Variants in CMPK1 observed in about 807,000 individuals in gnomAD.
CMPK1 encodes UMP-CMP kinase.
Under a neutral mutation model 25.7 loss-of-function variants are expected in CMPK1, and 10 were observed. That is an observed-to-expected ratio of 0.39 (90% CI 0.24 to 0.66). The LOEUF (loss-of-function observed/expected upper bound fraction) is 0.66, where lower values mean the gene tolerates loss of function less well. Ranked by LOEUF, CMPK1 falls within the 30% of genes least tolerant of loss-of-function variation. CMPK1 has a pLI of 0.48. For synonymous variants in CMPK1, 106 were observed against 101.5 expected (o/e 1.04, Z -0.27); for missense variants, 199 against 280.5 (o/e 0.71, Z 2.08).
At chr1:47,376,027 A>T (rs954213239) in intron 5 of CMPK1, among the ~76,000 whole-genome samples, 1 of 152,146 alleles carries the variant, frequency 6.6e-6, no homozygotes, top group Non-Finnish European at 1.5e-5. Flanking sequence ...AACTAAGAAG[A>T]TAAGCCACTT....
At chr1:47,347,442 C>G (rs1646493386) in intron 1 of CMPK1, among the ~76,000 whole-genome samples, 1 of 152,166 alleles carries the variant, frequency 6.6e-6, no homozygotes, top group African/African-American at 2.4e-5. Context: ...CTCCTGGCCT[C>G]AAGCCATCCT....
intron 1 of CMPK1, among the ~76,000 whole-genome samples, chr1:47,345,178 A>G (rs779943973): frequency 2.7e-4 from 41 of 152,134 alleles, no homozygotes; most frequent in Non-Finnish European, 2.5e-4. Flanking sequence ...TCAGCCTCCC[A>G]AAGTGCTGGG....
chr1:47,373,246 C>T, intron 3 of CMPK1, 139 bp downstream of exon 3: 1 of 667,890 alleles, frequency 1.5e-6, no homozygotes, highest in Non-Finnish European at 2.3e-6. Context: ...GACGGAACAG[C>T]ACTGTCTTGC....
intron 5 of CMPK1, 72 bp downstream of exon 5, chr1:47,375,365 G>T (rs1208201780): frequency 9.3e-7 from 1 of 1,069,990 alleles, no homozygotes; most frequent in Non-Finnish European, 1.4e-6. Flanking sequence ...GGGGTAAGCA[G>T]GAAAAAAAGA....
At chr1:47,357,355 A>G (rs1201340423) in intron 1 of CMPK1, among the ~76,000 whole-genome samples, 2 of 152,072 alleles carry the variant, frequency 1.3e-5, no homozygotes, top group African/African-American at 2.4e-5. Context: ...TTAGTTTTAC[A>G]TTTATTCCTA....
intron 1 of CMPK1, among the ~76,000 whole-genome samples, chr1:47,364,952 A>G (rs79169947): frequency 0.025 from 3,824 of 152,014 alleles, 184 homozygotes; most frequent in African/African-American, 0.088. Flanking sequence ...TTGTAGAAAC[A>G]TGTTCACTGT....
chr1:47,359,742 C>T (rs571033647), intron 1 of CMPK1, among the ~76,000 whole-genome samples: 2 of 151,966 alleles, frequency 1.3e-5, no homozygotes, highest in African/African-American at 4.8e-5. Context: ...GAACTCCTGA[C>T]CTCAAGTGTT....
chr1:47,357,038 A>C (rs557394851), intron 1 of CMPK1, among the ~76,000 whole-genome samples: 11 of 144,360 alleles, frequency 7.6e-5, no homozygotes, highest in Non-Finnish European at 1.6e-4. Flanking sequence ...ATCTCGGCTC[A>C]CTATAAGCTC....
chr1:47,339,784 C>T (rs1441484300), intron 1 of CMPK1, among the ~76,000 whole-genome samples: 5 of 150,336 alleles, frequency 3.3e-5, no homozygotes, highest in Non-Finnish European at 5.9e-5. Flanking sequence ...CTCGGCTCAC[C>T]GCAGCCTCCG....
intron 1 of CMPK1, among the ~76,000 whole-genome samples, chr1:47,359,386 CTTT>C (rs71053107): frequency 4.9e-5 from 5 of 102,734 alleles, no homozygotes; most frequent in Non-Finnish European, 9.0e-5. Context: ...AACCTTTTTT[CTTT>C]TTTTTTTTTT....
intron 1 of CMPK1, among the ~76,000 whole-genome samples, chr1:47,336,138 G>GAAATAAATAAATAAATAAATAAAT (rs61064131): frequency 4.7e-4 from 71 of 150,510 alleles, no homozygotes; most frequent in African/African-American, 7.8e-4. Context: ...CTCCGTCTCA[G>GAAATAAATAAATAAATAAATAAAT]AAATAAATAA....
intron 1 of CMPK1, among the ~76,000 whole-genome samples, chr1:47,346,602 C>A (rs1646486358): frequency 6.6e-6 from 1 of 151,902 alleles, no homozygotes; most frequent in African/African-American, 2.4e-5. Flanking sequence ...CTCCTGGGTT[C>A]AAGCAATTGT....
intron 1 of CMPK1, among the ~76,000 whole-genome samples, chr1:47,345,300 G>A (rs1295818659): frequency 2.0e-5 from 3 of 151,856 alleles, no homozygotes; most frequent in African/African-American, 7.3e-5. Context: ...CTCAGTTTAT[G>A]ATGCCCTTAG....
chr1:47,336,503 T>C (rs1646400243), intron 1 of CMPK1, among the ~76,000 whole-genome samples: 1 of 152,174 alleles, frequency 6.6e-6, no homozygotes, highest in African/African-American at 2.4e-5. Flanking sequence ...TTATATTGGT[T>C]ATTTTTATTG....
chr1:47,346,875 C>T (rs369316433), intron 1 of CMPK1, among the ~76,000 whole-genome samples: 8 of 151,604 alleles, frequency 5.3e-5, no homozygotes, highest in Admixed American at 4.6e-4. Flanking sequence ...CCTTCCCTTC[C>T]CTTCCCCAAG....
chr1:47,334,158 G>A lies in CMPK1; in HGVS notation c.171+42G>A, dbSNP rs535190327. 7.0e-4 allele frequency: 998 copies of A among 1,428,482 alleles called. 4 individuals are homozygous for A. Among genetic ancestry groups the A allele is most frequent in the Middle Eastern group, 4.6e-3 (18 of 3,904 alleles). The allele number at this position is 1,428,482 out of a possible 1,614,324, so 88.5% of individuals were successfully genotyped here. On this transcript the variant is annotated intron_variant, in intron 1 of 5. Coordinates refer to ENST00000371873, the MANE Select transcript of CMPK1 (RefSeq NM_016308.3). Reference sequence around the variant, plus strand: ...AGGCGGGCTCCTTGGGGCTTGACGGGATGCGGGCCGGCCTGTCCCGCCGCC... The same window carrying A: ...AGGCGGGCTCCTTGGGGCTTGACGGAATGCGGGCCGGCCTGTCCCGCCGCC...
chr1:47,358,045 A>G (rs1470412056), intron 1 of CMPK1, among the ~76,000 whole-genome samples: 1 of 148,100 alleles, frequency 6.8e-6, no homozygotes, highest in African/African-American at 2.5e-5. Flanking sequence ...GTCTAGGAGT[A>G]ACCTGTATGA....
At chr1:47,372,903 A>G in intron 2 of CMPK1, 52 bp from the exon 3 acceptor site, 2 of 1,495,602 alleles carry the variant, frequency 1.3e-6, no homozygotes, top group Non-Finnish European at 1.8e-6. Context: ...CATGCTTGAG[A>G]AATTTCATTT....
chr1:47,343,433 GGGA>G (rs1646456976), intron 1 of CMPK1, among the ~76,000 whole-genome samples: 1 of 151,560 alleles, frequency 6.6e-6, no homozygotes, highest in African/African-American at 2.4e-5. Context: ...GCTTGAACCT[GGGA>G]GGAGGACGTC....
Sources: allele counts gnomAD v4.1 joint callset (sites outside exome capture counted in the v4.1 genomes callset), GRCh38; gene constraint gnomAD v4.1.1; transcripts MANE v1.5; gene names NCBI Gene and HGNC (gene_info 2026-07-23, HGNC 2026-07-21).